Variants in MORC1 observed in about 807,000 individuals in gnomAD.
MORC1 encodes the protein MORC family CW-type zinc finger protein 1.
In MORC1, 59 loss-of-function variants were observed where a neutral mutation model predicts 134.9. The observed-to-expected ratio is 0.44, with a 90% CI of 0.35 to 0.54. The LOEUF is 0.54. Among genes scored for constraint, MORC1 ranks in the 20% least tolerant of loss-of-function variants. The pLI is 0.00. For synonymous variants in MORC1, 395 were observed against 391.7 expected, an observed-to-expected ratio of 1.01 and a Z score of -0.10; for missense variants, 947 against 1,134.5, an observed-to-expected ratio of 0.83 and a Z score of 2.37.
At chr3:109,017,777 T>C (rs992605363) in intron 17 of MORC1, among the ~76,000 whole-genome samples, 1 of 152,194 alleles carries the variant, frequency 6.6e-6, no homozygotes, top group Non-Finnish European at 1.5e-5. Context: ...CATCATCTTT[T>C]CAGATTTCAA....
At chr3:109,111,050 T>TAAAAAAAAAAAAA (rs11344763) in intron 2 of MORC1, among the ~76,000 whole-genome samples, 26 of 113,864 alleles carry the variant, frequency 2.3e-4, no homozygotes, top group Middle Eastern at 5.3e-3. Flanking sequence ...GGATATAATT[T>TAAAAAAAAAAAAA]AAAAAAAAAA....
chr3:109,021,429 G>T (rs915741808), intron 17 of MORC1, among the ~76,000 whole-genome samples: 1 of 152,168 alleles, frequency 6.6e-6, no homozygotes, highest in African/African-American at 2.4e-5. Context: ...CAAACAGAGG[G>T]ATGTAATGTG....
At chr3:109,065,315 G>A (rs190098170) in intron 9 of MORC1, among the ~76,000 whole-genome samples, 7 of 152,086 alleles carry the variant, frequency 4.6e-5, no homozygotes, top group African/African-American at 7.2e-5. Flanking sequence ...AATCTACTTC[G>A]ATCTGTTTTC....
Position 109,069,674 on chromosome 3 carries a change from C to A in MORC1, c.773G>T (p.Arg258Ile). The A allele has an allele frequency of 6.2e-7, 1 of 1,612,662 alleles. No homozygotes were observed. Among genetic ancestry groups the A allele is most frequent in the Non-Finnish European group, 8.5e-7 (1 of 1,179,032 alleles). Reference sequence around the variant, plus strand: ...ATAGCAAAGATGTTTAGTTTTAACTCTCTTGGCTTGAATGAATATTCTCAT... The same window carrying A: ...ATAGCAAAGATGTTTAGTTTTAACTATCTTGGCTTGAATGAATATTCTCAT... ...PWMRIFIQAKRVKTKHLCYCL... is the reference protein window; with the variant it reads ...PWMRIFIQAKIVKTKHLCYCL... The change falls in exon 9 of 28, where the codon AGA becomes ATA. Residue 258 changes from arginine to isoleucine, a missense_variant. Coordinates refer to ENST00000232603, the MANE Select transcript of MORC1 (RefSeq NM_014429.4).
intron 8 of MORC1, among the ~76,000 whole-genome samples, chr3:109,075,461 A>G (rs973160290): frequency 6.6e-6 from 1 of 152,138 alleles, no homozygotes; most frequent in Middle Eastern, 3.2e-3. Context: ...TCTTTAATCC[A>G]TCTTAATTTT....
In MORC1 at chr3:109,117,917, C is replaced by T. The variant is rs535112918; in HGVS notation, c.65+78G>A. 223 of 1,180,020 alleles carry T rather than the reference C, an allele frequency of 1.9e-4. 2 individuals carry two copies. The South Asian group carries it at 2.9e-3, about 15-fold the overall frequency. The allele number at this position is 1,180,020 out of a possible 1,614,324, so 73.1% of individuals were successfully genotyped here. ...AAATCAAGTTCACTTGCTGAGTATT[C>T]CTCAGGGGACGGGCAAAACCTTTCT... On this transcript the variant is annotated intron_variant, in intron 1 of 27. Transcript: ENST00000232603.
At chr3:108,971,065 G>C (rs1947365643) in intron 25 of MORC1, among the ~76,000 whole-genome samples, 1 of 152,060 alleles carries the variant, frequency 6.6e-6, no homozygotes, top group African/African-American at 2.4e-5. Flanking sequence ...GTTTTTGGTG[G>C]GGGAGAGAGA....
intron 21 of MORC1, among the ~76,000 whole-genome samples, chr3:108,988,859 T>C (rs756824253): frequency 1.3e-5 from 2 of 152,306 alleles, no homozygotes; most frequent in Non-Finnish European, 2.9e-5. Context: ...TATTGTTTAG[T>C]TCTCTGCTTT....
At chr3:109,048,208 C>T (rs766649259) in intron 14 of MORC1, among the ~76,000 whole-genome samples, 11 of 151,684 alleles carry the variant, frequency 7.3e-5, no homozygotes, top group African/African-American at 1.5e-4. Flanking sequence ...TGTGAGACAG[C>T]GATAGAGAAA....
chr3:109,014,039 T>C (rs908385964), intron 17 of MORC1, among the ~76,000 whole-genome samples: 1 of 152,232 alleles, frequency 6.6e-6, no homozygotes, highest in African/African-American at 2.4e-5. Context: ...ACCCAATCTT[T>C]GGTATTTTGT....
Position 109,027,793 on chromosome 3 carries a change from C to G in MORC1, c.1662G>C (p.Ser554=), listed in dbSNP as rs746703220. 5 of 1,613,780 alleles carry G rather than the reference C, an allele frequency of 3.1e-6. No homozygotes were observed. Among genetic ancestry groups the G allele is most frequent in the Non-Finnish European group, 4.2e-6 (5 of 1,179,862 alleles). Residue 554 remains serine, a synonymous_variant, in exon 17 of 28, where the codon TCG becomes TCC. Coordinates refer to ENST00000232603, the MANE Select transcript of MORC1 (RefSeq NM_014429.4). The part of the protein sequence containing the change: ...KNEKEKQLRE[S]VIKYQNRLAE... ...CCAGTCTATTTTGATACTTTATGAC[C>G]GACTCTCTAAGTTGCTTCTCTTTCT...
intron 8 of MORC1, among the ~76,000 whole-genome samples, chr3:109,077,292 T>C (rs965784932): frequency 9.2e-5 from 14 of 152,114 alleles, no homozygotes; most frequent in African/African-American, 3.1e-4. Flanking sequence ...AGATACAGGA[T>C]GGAAGATATA....
chr3:109,098,298 G>A (rs1387867935), intron 6 of MORC1, among the ~76,000 whole-genome samples: 3 of 152,146 alleles, frequency 2.0e-5, no homozygotes, highest in Non-Finnish European at 2.9e-5. Context: ...TTTAAAAAAG[G>A]GAATGGCCCA....
chr3:108,970,315 G>A (rs1224376170), intron 25 of MORC1, among the ~76,000 whole-genome samples: 1 of 152,164 alleles, frequency 6.6e-6, no homozygotes, highest in Admixed American at 6.5e-5. Flanking sequence ...AATGGGCAGT[G>A]TGCAGTCACA....
At chr3:109,090,302 A>C (rs1028904812) in intron 8 of MORC1, among the ~76,000 whole-genome samples, 1 of 152,038 alleles carries the variant, frequency 6.6e-6, no homozygotes, top group African/African-American at 2.4e-5. Flanking sequence ...GAATGATAAA[A>C]GGTTTTGAAT....
intron 6 of MORC1, among the ~76,000 whole-genome samples, chr3:109,098,253 G>A (rs181611606): frequency 2.0e-5 from 3 of 152,184 alleles, no homozygotes; most frequent in Non-Finnish European, 2.9e-5. Context: ...CTCTGTGGAA[G>A]TAGAAATGGG....
chr3:109,052,553 C>T (rs1029064377), intron 14 of MORC1, among the ~76,000 whole-genome samples: 3 of 152,136 alleles, frequency 2.0e-5, no homozygotes, highest in Non-Finnish European at 4.4e-5. Context: ...TCCCCTCAAC[C>T]TCATTTCCCC....
Position 109,004,883 on chromosome 3 carries a change from A to C in MORC1, c.2019T>G (p.Ser673Arg). 6.2e-7 allele frequency: 1 copy of C among 1,612,968 alleles called. No individual in the cohort carries two copies. Among genetic ancestry groups the C allele is most frequent in the Non-Finnish European group, 8.5e-7 (1 of 1,179,718 alleles). Residue 673 changes from serine (S) to arginine (R), a missense_variant, in exon 20 of 28, where the codon AGT (serine) becomes AGG (arginine). Coordinates refer to ENST00000232603, the MANE Select transcript of MORC1 (RefSeq NM_014429.4). ...AGACAGTGGTAATATTAGCAATCTG[A>C]CTTCTCTTTCAAAACAGAGAATACA... ...NVKLAERSQR[S>R]QIANITTVWR...
intron 23 of MORC1, among the ~76,000 whole-genome samples, chr3:108,982,821 C>T (rs745421817): frequency 6.6e-6 from 1 of 152,012 alleles, no homozygotes; most frequent in Admixed American, 6.6e-5. Flanking sequence ...GTCGTTAAGG[C>T]CCCTTTCCAG....
Sources: allele counts gnomAD v4.1 joint callset (sites outside exome capture counted in the v4.1 genomes callset), GRCh38; gene constraint gnomAD v4.1.1; transcripts MANE v1.5; gene names NCBI Gene and HGNC (gene_info 2026-07-23, HGNC 2026-07-21).